The following FGF12 variants were observed in gnomAD, a reference collection of about 807,000 sequenced individuals.
The protein encoded by FGF12 is fibroblast growth factor 12B.
A neutral mutation model predicts 23.6 loss-of-function variants in FGF12; 14 were observed. That is an observed-to-expected ratio of 0.59 (90% CI 0.39 to 0.93). The LOEUF (loss-of-function observed/expected upper bound fraction) is 0.93, where lower values mean the gene tolerates loss of function less well. Ranked by LOEUF, FGF12 falls within the 40% of genes least tolerant of loss-of-function variation. The pLI is 0.00. For missense variants in FGF12, 175 were observed against 217.8 expected, an observed-to-expected ratio of 0.80 and a Z score of 1.24; for synonymous variants, 62 against 77.3, an observed-to-expected ratio of 0.80 and a Z score of 1.04.
chr3:192,668,219 T>G (rs1318603221), intron 2 of FGF12, among the ~76,000 whole-genome samples: 1 of 150,136 alleles, frequency 6.7e-6, no homozygotes, highest in African/African-American at 2.4e-5. Flanking sequence ...TGCAACAAAA[T>G]AAGTTATATA....
intron 2 of FGF12, among the ~76,000 whole-genome samples, chr3:192,686,851 C>T (rs1216835135): frequency 3.5e-5 from 3 of 85,312 alleles, no homozygotes; most frequent in African/African-American, 1.7e-4. Context: ...TTTTTTGAGA[C>T]GGAGTGTCCC....
At chr3:192,335,491 A>G (rs780168303) in intron 3 of FGF12, 27 bp from the exon 4 acceptor site, 1 of 1,359,148 alleles carries the variant, frequency 7.4e-7, no homozygotes, top group East Asian at 2.3e-5. Context: ...AAGGGCGGAA[A>G]GGATCAGTGA....
chr3:192,417,716 C>T (rs986868734), intron 2 of FGF12, among the ~76,000 whole-genome samples: 9 of 151,912 alleles, frequency 5.9e-5, no homozygotes, highest in African/African-American at 2.2e-4. Context: ...GAGAGTTTCC[C>T]TTATCTCCTT....
At chr3:192,312,200 T>C (rs983792784) in intron 4 of FGF12, among the ~76,000 whole-genome samples, 36 of 152,242 alleles carry the variant, frequency 2.4e-4, no homozygotes, top group African/African-American at 8.4e-4. Flanking sequence ...TTTTGTTGGT[T>C]GTGCTTTAGA....
chr3:192,317,310 G>T (rs529195987), intron 4 of FGF12, among the ~76,000 whole-genome samples: 30 of 152,086 alleles, frequency 2.0e-4, no homozygotes, highest in Non-Finnish European at 3.7e-4. Context: ...TTGGCTCCTG[G>T]ATGGTATTTC....
At chr3:192,484,674 GTGGGCGGACCTTA>G (rs1325508999) in intron 2 of FGF12, among the ~76,000 whole-genome samples, 1 of 152,172 alleles carries the variant, frequency 6.6e-6, no homozygotes, top group Non-Finnish European at 1.5e-5. Context: ...TGCCATAAAG[GTGGGCGGACCTTA>G]TGCACTCTCC....
At chr3:192,675,212 G>T (rs752400531) in intron 2 of FGF12, among the ~76,000 whole-genome samples, 1 of 152,080 alleles carries the variant, frequency 6.6e-6, no homozygotes, top group Non-Finnish European at 1.5e-5. Flanking sequence ...TGCGGCAACA[G>T]GGCCTGCCTG....
At chr3:192,327,381 A>C (rs1022613567) in intron 4 of FGF12, among the ~76,000 whole-genome samples, 5 of 150,686 alleles carry the variant, frequency 3.3e-5, no homozygotes, top group Admixed American at 2.0e-4. Flanking sequence ...TTTCAGCTTC[A>C]AATATAATTG....
intron 2 of FGF12, among the ~76,000 whole-genome samples, chr3:192,592,537 G>A (rs757831271): frequency 2.6e-5 from 4 of 151,668 alleles, no homozygotes; most frequent in Non-Finnish European, 4.4e-5. Context: ...TTCACCATGC[G>A]GGATGCATAG....
chr3:192,678,620 C>T (rs1440097143), intron 2 of FGF12, among the ~76,000 whole-genome samples: 2 of 152,220 alleles, frequency 1.3e-5, no homozygotes, highest in Non-Finnish European at 2.9e-5. Context: ...CCTTTCCCCA[C>T]AGCTTATATA....
At chr3:192,678,603 C>A (rs144794907) in intron 2 of FGF12, among the ~76,000 whole-genome samples, 217 of 152,300 alleles carry the variant, frequency 1.4e-3, no homozygotes, top group African/African-American at 5.0e-3. Flanking sequence ...ATACCTTAAA[C>A]CTCCCTCCTT....
At position 192,539,183 on chromosome 3, in the gene FGF12, A is replaced by G. The variant is rs144328949; in HGVS notation, c.14-178645T>C. ...AGGACTTCCACTATTATGTTGAATA[A>G]CAATGGTGAAAGTGAGCATCCATGT... On this transcript the variant is annotated intron_variant, in intron 2 of 5. Transcript: ENST00000445105. Among the ~76,000 whole-genome samples the G allele has an allele frequency of 3.1e-3, 467 of 152,266 alleles. 1 individual carries two copies. Among genetic ancestry groups the G allele is most frequent in the African/African-American group, 0.011 (450 of 41,572 alleles).
intron 4 of FGF12, among the ~76,000 whole-genome samples, chr3:192,249,410 C>T (rs896709711): frequency 6.6e-6 from 1 of 152,152 alleles, no homozygotes; most frequent in African/African-American, 2.4e-5. Context: ...TAATTCCTGA[C>T]TCAGCCCCCA....
chr3:192,417,250 G>A (rs756159403), intron 2 of FGF12, among the ~76,000 whole-genome samples: 1 of 151,716 alleles, frequency 6.6e-6, no homozygotes, highest in Non-Finnish European at 1.5e-5. Context: ...GGAAATAGCC[G>A]TAACTGGCCT....
chr3:192,576,095 T>A (rs1414260876), intron 2 of FGF12, among the ~76,000 whole-genome samples: 1 of 152,178 alleles, frequency 6.6e-6, no homozygotes, highest in East Asian at 1.9e-4. Flanking sequence ...CATTAACAAA[T>A]CCTTTGGGAG....
intron 4 of FGF12, among the ~76,000 whole-genome samples, chr3:192,325,165 C>T (rs1351017751): frequency 2.6e-5 from 4 of 152,102 alleles, no homozygotes; most frequent in Admixed American, 6.6e-5. Flanking sequence ...CTTGGGTTGA[C>T]AGAATTCCAT....
intron 2 of FGF12, among the ~76,000 whole-genome samples, chr3:192,492,389 C>T (rs533940525): frequency 6.6e-5 from 10 of 152,072 alleles, no homozygotes; most frequent in Middle Eastern, 6.8e-3. Flanking sequence ...CACACACACA[C>T]GCAAAGGTAG....
At chr3:192,281,180 A>T (rs151238241) in intron 4 of FGF12, among the ~76,000 whole-genome samples, 8 of 152,264 alleles carry the variant, frequency 5.3e-5, no homozygotes, top group African/African-American at 1.9e-4. Flanking sequence ...TCTAAAACCA[A>T]AACGTCAGCA....
At chr3:192,252,703 G>T (rs940810395) in intron 4 of FGF12, among the ~76,000 whole-genome samples, 1 of 151,778 alleles carries the variant, frequency 6.6e-6, no homozygotes, top group Non-Finnish European at 1.5e-5. Flanking sequence ...CCTTAATTTT[G>T]ATTAATGTCA....
Sources: allele counts gnomAD v4.1 joint callset (sites outside exome capture counted in the v4.1 genomes callset), GRCh38; gene constraint gnomAD v4.1.1; transcripts MANE v1.5; gene names NCBI Gene and HGNC (gene_info 2026-07-23, HGNC 2026-07-21).